Variants in DNAAF9 observed in about 807,000 individuals in gnomAD.
The protein encoded by DNAAF9 is dynein axonemal assembly factor 9.
Under a neutral mutation model 167.0 loss-of-function variants are expected in DNAAF9, and 90 were observed. That is an observed-to-expected ratio of 0.54 (90% CI 0.45 to 0.64). DNAAF9 has a LOEUF of 0.64. DNAAF9 is among the 30% of genes least tolerant of loss of function. The pLI is 0.00. For synonymous variants in DNAAF9, 491 were observed against 508.8 expected (o/e 0.96, Z 0.47); for missense variants, 1,315 against 1,442.2 (o/e 0.91, Z 1.43).
chr20:3,364,788 G>C (rs1041511302), intron 6 of DNAAF9, among the ~76,000 whole-genome samples: 3 of 152,078 alleles, frequency 2.0e-5, no homozygotes, highest in Non-Finnish European at 4.4e-5. Flanking sequence ...CTTTTTGCTG[G>C]TGGAGGGTCT....
intron 31 of DNAAF9, among the ~76,000 whole-genome samples, chr20:3,264,038 G>A (rs114005892): frequency 0.017 from 2,576 of 152,296 alleles, 75 homozygotes; most frequent in African/African-American, 0.059. Context: ...TGGGCCATAT[G>A]AGCAGGGAAC....
chr20:3,390,043 A>AG (rs1228201720), intron 1 of DNAAF9, among the ~76,000 whole-genome samples: 7 of 152,126 alleles, frequency 4.6e-5, no homozygotes, highest in Non-Finnish European at 1.0e-4. Flanking sequence ...CTCAAAAAAA[A>AG]AAAAAAAAGA....
intron 6 of DNAAF9, chr20:3,362,403 C>T (rs939682155): frequency 3.7e-5 from 17 of 455,516 alleles, no homozygotes; most frequent in Non-Finnish European, 5.3e-5. Flanking sequence ...TTATTTACTG[C>T]AGGCTAAGTA....
chr20:3,307,782 A>C lies in DNAAF9; in HGVS notation c.1679-3239T>G, dbSNP rs1041944929. On this transcript the variant is annotated intron_variant, in intron 20 of 36. Coordinates refer to ENST00000252032, the MANE Select transcript of DNAAF9 (RefSeq NM_001009984.3). ...GCCCTCAGGGTAAACCAAAATACCA[A>C]GCAAATGCCAAAGAAGAATTTCGCT... Among the ~76,000 whole-genome samples, 8 of 152,238 alleles carry C rather than the reference A, an allele frequency of 5.3e-5. No individual in the cohort carries two copies. In the East Asian group the frequency reaches 9.7e-4, roughly 18 times the overall value.
At chr20:3,350,651 G>T (rs2070305102) in intron 7 of DNAAF9, among the ~76,000 whole-genome samples, 1 of 152,114 alleles carries the variant, frequency 6.6e-6, no homozygotes, top group Non-Finnish European at 1.5e-5. Flanking sequence ...GACTGAGAGT[G>T]GGTCTCAGAC....
chr20:3,275,510 C>T lies in DNAAF9; in HGVS notation c.2650+3402G>A, dbSNP rs554397945. Among the ~76,000 whole-genome samples, 5 of 152,272 alleles carry T rather than the reference C, an allele frequency of 3.3e-5. No homozygotes were observed. In the South Asian group the frequency reaches 1.0e-3, roughly 32 times the overall value. ...CTGCACATGTACCATATGGACAAAG[C>T]TTGTGGGGTTGGGATTCTAGGTCAG... is the stretch of plus-strand genomic sequence containing the variant. On this transcript the variant is annotated intron_variant, in intron 29 of 36. Transcript: ENST00000252032.
chr20:3,337,440 G>GGT (rs72138571), intron 10 of DNAAF9, among the ~76,000 whole-genome samples: 1 of 134,402 alleles, frequency 7.4e-6, no homozygotes, highest in Non-Finnish European at 1.6e-5. Context: ...CTTTTTTTTT[G>GGT]TTTTTTTTTT....
At chr20:3,332,861 C>CGTGTGCGT (rs2069857298) in intron 10 of DNAAF9, among the ~76,000 whole-genome samples, 1 of 148,704 alleles carries the variant, frequency 6.7e-6, no homozygotes, top group Non-Finnish European at 1.5e-5. Context: ...TCTTTTGGTG[C>CGTGTGCGT]GTGTGCGTGC....
chr20:3,392,693 G>A (rs1181722613), intron 1 of DNAAF9, among the ~76,000 whole-genome samples: 4 of 152,000 alleles, frequency 2.6e-5, no homozygotes, highest in Non-Finnish European at 1.5e-5. Flanking sequence ...AGCCAGGTAT[G>A]TTTTCTTGTT....
intron 29 of DNAAF9, among the ~76,000 whole-genome samples, chr20:3,278,503 G>A (rs1600694633): frequency 6.6e-6 from 1 of 152,120 alleles, no homozygotes; most frequent in South Asian, 2.1e-4. Context: ...GGCGGACTAC[G>A]AGGTCAGGAG....
intron 21 of DNAAF9, among the ~76,000 whole-genome samples, chr20:3,302,158 T>A (rs1476196979): frequency 6.6e-6 from 1 of 151,912 alleles, no homozygotes; most frequent in Non-Finnish European, 1.5e-5. Flanking sequence ...AGGCTGGTCT[T>A]GAACTCCTGA....
chr20:3,253,712 T>C lies in DNAAF9; in HGVS notation c.3421+14A>G. 1 of 1,524,178 alleles carries C rather than the reference T, an allele frequency of 6.6e-7. No homozygotes were observed. Among genetic ancestry groups the C allele is most frequent in the African/African-American group, 1.4e-5 (1 of 73,148 alleles). 94.4% of individuals were successfully genotyped at this position (1,524,178 alleles called of 1,614,324 possible). A position where few individuals can be genotyped will look rare whatever the true frequency, so the allele number is the denominator to read the frequency against. On this transcript the variant is annotated intron_variant, in intron 36 of 36. Transcript: ENST00000252032. ...CCCGGGTTCCACACAGGGACCACGC[T>C]GTTCCAAGGATACGTGGGTGAAAAT... is the stretch of plus-strand genomic sequence containing the variant.
chr20:3,372,994 C>T (rs1367195276), intron 6 of DNAAF9, among the ~76,000 whole-genome samples: 2 of 152,216 alleles, frequency 1.3e-5, no homozygotes, highest in Non-Finnish European at 2.9e-5. Flanking sequence ...CAAGCCCCTA[C>T]TCTTCTAAGT....
chr20:3,307,031 G>A (rs2069311266), intron 20 of DNAAF9: 1 of 985,362 alleles, frequency 1.0e-6, no homozygotes, highest in Non-Finnish European at 1.2e-6. Context: ...CAAGTCCAGT[G>A]CCACTTGAAA....
intron 7 of DNAAF9, among the ~76,000 whole-genome samples, chr20:3,356,111 G>A (rs1302784099): frequency 6.6e-6 from 1 of 151,982 alleles, no homozygotes; most frequent in African/African-American, 2.4e-5. Flanking sequence ...TCCATCTCTC[G>A]GGTTCAAGTG....
chr20:3,249,591 G>A lies in DNAAF9; in HGVS notation c.*2981C>T, dbSNP rs1469463381. ...AAAACTAGTATAAAAGTGAATTTTG[G>A]CACGTAAGTGAGCTCTTATGTCATT... On this transcript the variant is annotated 3_prime_UTR_variant, in exon 37 of 37. Coordinates refer to ENST00000252032, the MANE Select transcript of DNAAF9 (RefSeq NM_001009984.3). 6.6e-6 allele frequency: 1 copy of A among 152,122 alleles called. No homozygotes were observed. The highest frequency in any genetic ancestry group is 1.5e-5 in the Non-Finnish European group (1 of 68,024). The allele number at this position is 152,122 out of a possible 1,614,324, so 9.4% of individuals were successfully genotyped here.
At chr20:3,290,787 CTTTTTT>C (rs548143543) in intron 25 of DNAAF9, among the ~76,000 whole-genome samples, 28,457 of 135,206 alleles carry the variant, frequency 0.21, 2,925 homozygotes, top group African/African-American at 0.26. Flanking sequence ...AGGGCTAAGT[CTTTTTT>C]TTTTTTTTTT....
chr20:3,263,488 C>T (rs569896348), intron 31 of DNAAF9, among the ~76,000 whole-genome samples: 1 of 152,284 alleles, frequency 6.6e-6, no homozygotes, highest in African/African-American at 2.4e-5. Flanking sequence ...AGCACGATGC[C>T]TAAGAGAAAA....
intron 8 of DNAAF9, among the ~76,000 whole-genome samples, chr20:3,344,983 T>C (rs903271312): frequency 2.6e-5 from 4 of 152,238 alleles, no homozygotes; most frequent in African/African-American, 9.6e-5. Context: ...GTTAACAGTT[T>C]ATTTACATTC....
Sources: allele counts gnomAD v4.1 joint callset (sites outside exome capture counted in the v4.1 genomes callset), GRCh38; gene constraint gnomAD v4.1.1; transcripts MANE v1.5; gene names NCBI Gene and HGNC (gene_info 2026-07-23, HGNC 2026-07-21).